Variants in CSMD1 observed in about 807,000 individuals in gnomAD.
The protein encoded by CSMD1 is CUB and sushi domain-containing protein 1.
In CSMD1, 213 loss-of-function variants were observed where a neutral mutation model predicts 417.5. The observed-to-expected ratio is 0.51, with a 90% CI of 0.46 to 0.57. The LOEUF is 0.57. CSMD1 is among the 20% of genes least tolerant of loss of function. The pLI, the probability that CSMD1 is intolerant of heterozygous loss-of-function variation, is 0.00. For synonymous variants in CSMD1, 2,862 were observed against 1,736.8 expected, an observed-to-expected ratio of 1.65 and a Z score of -16.11; for missense variants, 6,923 against 4,529.7, an observed-to-expected ratio of 1.53 and a Z score of -15.17.
chr8:3,693,756 T>C (rs981762364), intron 7 of CSMD1, among the ~76,000 whole-genome samples: 1 of 152,036 alleles, frequency 6.6e-6, no homozygotes, highest in Non-Finnish European at 1.5e-5. Flanking sequence ...GTGTGTTGTA[T>C]GTGTGTTTTG....
At chr8:4,406,508 A>T (rs1024740180) in intron 3 of CSMD1, among the ~76,000 whole-genome samples, 1 of 152,184 alleles carries the variant, frequency 6.6e-6, no homozygotes, top group Non-Finnish European at 1.5e-5. Flanking sequence ...GAATTTGACT[A>T]GTTGATATTA....
intron 2 of CSMD1, among the ~76,000 whole-genome samples, chr8:4,422,232 C>T (rs569003156): frequency 6.6e-6 from 1 of 152,126 alleles, no homozygotes; most frequent in East Asian, 1.9e-4. Context: ...AACACTAATT[C>T]TACACAGTCT....
intron 3 of CSMD1, among the ~76,000 whole-genome samples, chr8:4,254,017 T>C (rs1803268794): frequency 1.4e-5 from 2 of 145,688 alleles, no homozygotes; most frequent in South Asian, 2.2e-4. Flanking sequence ...CCAGGGTTCA[T>C]GCCATTCTCC....
At chr8:3,544,362 C>A (rs1318409220) in intron 10 of CSMD1, among the ~76,000 whole-genome samples, 1 of 152,130 alleles carries the variant, frequency 6.6e-6, no homozygotes, top group Non-Finnish European at 1.5e-5. Context: ...ACCCTTGTAG[C>A]AAAGAACATC....
intron 3 of CSMD1, among the ~76,000 whole-genome samples, chr8:4,410,335 CAT>C (rs1796581701): frequency 6.6e-6 from 1 of 152,186 alleles, no homozygotes; most frequent in Non-Finnish European, 1.5e-5. Context: ...TGGTCACACT[CAT>C]AGTGACTGGG....
chr8:4,303,519 T>C (rs901717649), intron 3 of CSMD1, among the ~76,000 whole-genome samples: 2 of 145,692 alleles, frequency 1.4e-5, no homozygotes, highest in Non-Finnish European at 3.0e-5. Context: ...CACGTCTATA[T>C]TCAAAGATTC....
chr8:3,335,284 C>G (rs533441205), intron 23 of CSMD1, among the ~76,000 whole-genome samples: 16 of 152,270 alleles, frequency 1.1e-4, no homozygotes, highest in Middle Eastern at 6.8e-3. Flanking sequence ...CTGTGATGAC[C>G]GTGCCATGAA....
intron 1 of CSMD1, among the ~76,000 whole-genome samples, chr8:4,828,838 C>G (rs904580587): frequency 6.6e-6 from 1 of 152,068 alleles, no homozygotes; most frequent in African/African-American, 2.4e-5. Flanking sequence ...GATTGTAGCT[C>G]AATACTGCCC....
intron 27 of CSMD1, among the ~76,000 whole-genome samples, chr8:3,224,574 G>C (rs1563159323): frequency 6.6e-6 from 1 of 152,210 alleles, no homozygotes; most frequent in East Asian, 1.9e-4. Context: ...GTGAGGAGCT[G>C]AGCTGGAGCA....
intron 3 of CSMD1, among the ~76,000 whole-genome samples, chr8:4,154,211 A>C (rs1056236365): frequency 6.6e-6 from 1 of 152,210 alleles, no homozygotes; most frequent in African/African-American, 2.4e-5. Context: ...AGGAAGAATA[A>C]TATCAAGGTT....
At chr8:4,001,057 G>GAA (rs5889008) in intron 4 of CSMD1, among the ~76,000 whole-genome samples, 162 of 150,062 alleles carry the variant, frequency 1.1e-3, no homozygotes, top group East Asian at 6.1e-3. Flanking sequence ...ATAAAAAAAG[G>GAA]AAAAAAAAAA....
chr8:4,259,360 G>A (rs553673831), intron 3 of CSMD1, among the ~76,000 whole-genome samples: 6 of 152,166 alleles, frequency 3.9e-5, no homozygotes, highest in Non-Finnish European at 5.9e-5. Flanking sequence ...GAAAGCGAGC[G>A]GATCTCAAGA....
At chr8:3,075,701 T>C (rs1470722020) in intron 49 of CSMD1, among the ~76,000 whole-genome samples, 1 of 152,130 alleles carries the variant, frequency 6.6e-6, no homozygotes, top group African/African-American at 2.4e-5. Context: ...CTTCCTTTTA[T>C]ATTTCTGGAC....
chr8:3,561,746 C>G (rs1345957620), intron 10 of CSMD1, among the ~76,000 whole-genome samples: 1 of 152,036 alleles, frequency 6.6e-6, no homozygotes, highest in Non-Finnish European at 1.5e-5. Flanking sequence ...TGTGACAAAA[C>G]TGGACATATA....
At chr8:4,970,820 C>G (rs1810192772) in intron 1 of CSMD1, among the ~76,000 whole-genome samples, 1 of 152,008 alleles carries the variant, frequency 6.6e-6, no homozygotes, top group South Asian at 2.1e-4. Context: ...AATACCCTAG[C>G]TCTAGTCATC....
At chr8:3,268,292 T>C (rs1272388409) in intron 26 of CSMD1, among the ~76,000 whole-genome samples, 1 of 96,554 alleles carries the variant, frequency 1.0e-5, no homozygotes, top group Non-Finnish European at 2.3e-5. Flanking sequence ...ATTTCCTATT[T>C]TTTTTTTTTT....
chr8:2,969,955 G>T (rs1055572560), intron 57 of CSMD1, among the ~76,000 whole-genome samples: 3 of 152,050 alleles, frequency 2.0e-5, no homozygotes, highest in Non-Finnish European at 2.9e-5. Flanking sequence ...ATTTTGTGAG[G>T]CATGATATAT....
At chr8:4,054,463 G>C (rs1032682419) in intron 3 of CSMD1, among the ~76,000 whole-genome samples, 2 of 152,120 alleles carry the variant, frequency 1.3e-5, no homozygotes, top group Non-Finnish European at 2.9e-5. Context: ...CTTCTTCTTA[G>C]CAAGAACGAC....
At chr8:4,273,800 G>C (rs180691239) in intron 3 of CSMD1, among the ~76,000 whole-genome samples, 15 of 152,228 alleles carry the variant, frequency 9.9e-5, no homozygotes, top group African/African-American at 3.6e-4. Flanking sequence ...GTGTATGTCT[G>C]GTGAAACCTG....
Sources: allele counts gnomAD v4.1 joint callset (sites outside exome capture counted in the v4.1 genomes callset), GRCh38; gene constraint gnomAD v4.1.1; transcripts MANE v1.5; gene names NCBI Gene and HGNC (gene_info 2026-07-23, HGNC 2026-07-21).